Variants in LMNB2 observed in about 807,000 individuals in gnomAD.
The protein encoded by LMNB2 is lamin-B2.
In LMNB2, 17 loss-of-function variants were observed where a neutral mutation model predicts 69.3. The observed-to-expected ratio is 0.25, with a 90% CI of 0.17 to 0.37. The LOEUF is 0.37. Ranked by LOEUF, LMNB2 falls within the 10% of genes least tolerant of loss-of-function variation. The pLI is 1.00. For missense variants in LMNB2, 789 were observed against 883.6 expected, an observed-to-expected ratio of 0.89 and a Z score of 1.36; for synonymous variants, 397 against 389.3, an observed-to-expected ratio of 1.02 and a Z score of -0.23.
At chr19:2,433,771 C>T in intron 8 of LMNB2, 55 bp downstream of exon 8, 1 of 1,601,792 alleles carries the variant, frequency 6.2e-7, no homozygotes, top group Non-Finnish European at 8.5e-7. Context: ...TGACCCTGGT[C>T]ACCCCCATCA....
At chr19:2,444,347 C>T (rs1267966584) in intron 2 of LMNB2, 57 bp downstream of exon 2, 56 of 1,607,334 alleles carry the variant, frequency 3.5e-5, no homozygotes, top group Non-Finnish European at 4.6e-5. Context: ...CACCTGCCCC[C>T]GTCCACCCCG....
chr19:2,442,413 A>G (rs1452703035), intron 2 of LMNB2, among the ~76,000 whole-genome samples: 1 of 151,910 alleles, frequency 6.6e-6, no homozygotes, highest in Non-Finnish European at 1.5e-5. Flanking sequence ...CCAACTTGGT[A>G]AAAAAATTAG....
intron 4 of LMNB2, 91 bp from the exon 5 acceptor site, chr19:2,435,262 T>TCC (rs1283618703): frequency 6.6e-7 from 1 of 1,514,384 alleles, no homozygotes; most frequent in African/African-American, 1.4e-5. Flanking sequence ...AAGAGGAACC[T>TCC]CCAGGCAATT....
rs1971697262 is a variant in LMNB2 at position 2,428,930 on chromosome 19, T to C, written c.*1981A>G. On this transcript the variant is annotated 3_prime_UTR_variant, in exon 12 of 12. Coordinates refer to ENST00000325327, the MANE Select transcript of LMNB2 (RefSeq NM_032737.4). The stretch of plus-strand genomic sequence containing the variant: ...CACCCCCAGCTCCACCCAAGGCAAA[T>C]GTAGGGTGGGGGGTTCTGTGGGCCT... 1 of 151,454 alleles carries C rather than the reference T, an allele frequency of 6.6e-6. No homozygotes were observed. The highest frequency in any genetic ancestry group is 1.5e-5 in the Non-Finnish European group (1 of 67,908). 9.4% of individuals were successfully genotyped at this position (151,454 alleles called of 1,614,324 possible). A position where few individuals can be genotyped will look rare whatever the true frequency, so the allele number is the denominator to read the frequency against.
chr19:2,435,239 T>G lies in LMNB2; in HGVS notation c.685-68A>C. ...CCAAGCACCAGGCCCAAGGGAGGGCTCAAAAATGTGCCAAGAGGAACCTCC... is the reference window on the plus strand; with the variant it reads ...CCAAGCACCAGGCCCAAGGGAGGGCGCAAAAATGTGCCAAGAGGAACCTCC... On this transcript the variant is annotated intron_variant, in intron 4 of 11. Transcript: ENST00000325327. 4 of 1,577,808 alleles carry G rather than the reference T, an allele frequency of 2.5e-6. No homozygotes were observed. In the East Asian group the frequency reaches 9.0e-5, roughly 36 times the overall value.
At chr19:2,431,479 ATG>A (rs371201812) in intron 11 of LMNB2, 67 bp downstream of exon 11, 1 of 1,603,096 alleles carries the variant, frequency 6.2e-7, no homozygotes, top group Non-Finnish European at 8.5e-7. Flanking sequence ...ACGCATGTGT[ATG>A]TGTGTGCACG....
chr19:2,436,109 C>T (rs1971818739), intron 4 of LMNB2, among the ~76,000 whole-genome samples: 2 of 152,086 alleles, frequency 1.3e-5, no homozygotes, highest in Admixed American at 6.5e-5. Context: ...ATGGTGAAAA[C>T]CCCGTCTGTA....
At chr19:2,438,583 C>T (rs747824427) in intron 2 of LMNB2, 52 bp from the exon 3 acceptor site, 2 of 1,589,548 alleles carry the variant, frequency 1.3e-6, no homozygotes, top group Non-Finnish European at 1.7e-6. Context: ...CATGGGGCCA[C>T]AGGGAGCACC....
At chr19:2,435,195 C>G (rs759658407) in intron 4 of LMNB2, 24 bp from the exon 5 acceptor site, 1 of 1,598,084 alleles carries the variant, frequency 6.3e-7, no homozygotes, top group Non-Finnish European at 8.5e-7. Flanking sequence ...CTTCGTGACC[C>G]TCTGGTCCCG....
At position 2,432,506 on chromosome 19, in the gene LMNB2, G is replaced by C. The variant is rs775194172; in HGVS notation, c.1500C>G (p.Asn500Lys). ...CCAAGACCTGCCTCTTGATTCTCCA[G>C]TTCCCCAGAGACTGATCCTGGAAGA... Reference protein sequence around the residue: ...NNSDKDQSLGNWRIKRQVLEG... With the variant: ...NNSDKDQSLGKWRIKRQVLEG... Residue 500 changes from asparagine to lysine, a missense_variant, in exon 9 of 12, where the codon AAC becomes AAG. This residue lies in a region of LMNB2 where 609 missense variants were observed against 630.9 expected (regional missense o/e 0.97). Transcript: ENST00000325327. 6.2e-7 allele frequency: 1 copy of C among 1,613,692 alleles called. No individual in the cohort carries two copies. The highest frequency in any genetic ancestry group is 1.7e-5 in the Admixed American group (1 of 59,992).
In LMNB2 at chr19:2,438,514, C is replaced by G; in HGVS notation, c.419G>C (p.Gly140Ala). Reference sequence around the variant, plus strand: ...ACGGCCCTGGGCCACCGTAAGCTCGCCCTCCCTCTTCTTGGCGCTGAAAGT... The same window carrying G: ...ACGGCCCTGGGCCACCGTAAGCTCGGCCTCCCTCTTCTTGGCGCTGAAAGT... ...EVNKSAKKREGELTVAQGRVK... is the reference protein window; with the variant it reads ...EVNKSAKKREAELTVAQGRVK... The change falls in exon 3 of 12, where the codon GGC becomes GCC. Residue 140 changes from glycine to alanine, a missense_variant. By Grantham distance (60) the Gly-to-Ala change is moderately conservative (BLOSUM62 0). Coordinates refer to ENST00000325327, the MANE Select transcript of LMNB2 (RefSeq NM_032737.4). 1 of 1,609,118 alleles carries G rather than the reference C, an allele frequency of 6.2e-7. No homozygotes were observed. Among genetic ancestry groups the G allele is most frequent in the Non-Finnish European group, 8.5e-7 (1 of 1,178,016 alleles).
rs372552710 is a variant in LMNB2 at position 2,435,103 on chromosome 19, C to G, written c.753G>C (p.Glu251Asp). Residue 251 changes from glutamate (E) to aspartate (D), a missense_variant, in exon 5 of 12, where the codon GAG becomes GAC. Physicochemically the swap from Glu to Asp is conservative, Grantham distance 45. Around this residue, in one of 3 missense-constraint regions of LMNB2, gnomAD observed 609 missense variants for 630.9 expected, o/e 0.97. Transcript: ENST00000325327. ...LVEVDSSRQQ[E>D]YDFKMAQALE... ...GCGCCTGTGCCATCTTGAAGTCGTACTCCTGCTGCCGGCTGCTGTCCACCT... is the reference window on the plus strand; with the variant it reads ...GCGCCTGTGCCATCTTGAAGTCGTAGTCCTGCTGCCGGCTGCTGTCCACCT... 13 of 1,609,432 alleles carry G rather than the reference C, an allele frequency of 8.1e-6. No individual in the cohort carries two copies. The highest frequency in any genetic ancestry group is 1.1e-5 in the Non-Finnish European group (13 of 1,179,772).
Position 2,435,176 on chromosome 19 carries a change from G to T in LMNB2, c.685-5C>A. On this transcript the variant is annotated splice_region_variant and splice_polypyrimidine_tract_variant and intron_variant, in intron 4 of 11. Coordinates refer to ENST00000325327, the MANE Select transcript of LMNB2 (RefSeq NM_032737.4). ...CCGCCGCGTCTCCCGCACCTCCTGC[G>T]GACCAAGGCTTCGTGACCCTCTGGT... 1 of 1,600,614 alleles carries T rather than the reference G, an allele frequency of 6.2e-7. No homozygotes were observed.
intron 2 of LMNB2, 67 bp from the exon 3 acceptor site, chr19:2,438,598 G>A: frequency 1.3e-6 from 2 of 1,562,756 alleles, no homozygotes; most frequent in Admixed American, 1.8e-5. Flanking sequence ...AGCACCTCAG[G>A]GGGCGTCAGG....
At chr19:2,446,170 C>G (rs1173169692) in intron 1 of LMNB2, among the ~76,000 whole-genome samples, 13 of 115,262 alleles carry the variant, frequency 1.1e-4, no homozygotes, top group South Asian at 6.2e-4. Context: ...CCTTTCACCC[C>G]TCGATCACAG....
At chr19:2,441,518 G>A (rs60264467) in intron 2 of LMNB2, among the ~76,000 whole-genome samples, 8,807 of 152,296 alleles carry the variant, frequency 0.058, 888 homozygotes, top group African/African-American at 0.2. Context: ...AGGCCCTTTC[G>A]CTCAGAGGGC....
Position 2,432,541 on chromosome 19 carries a change from C to A in LMNB2, c.1483-18G>T. ...GACTGATCCTGGAAGACACGGCACACACCTGACCCTCAGCCACCAGGACTG... is the reference window on the plus strand; with the variant it reads ...GACTGATCCTGGAAGACACGGCACAAACCTGACCCTCAGCCACCAGGACTG... On this transcript the variant is annotated intron_variant, in intron 8 of 11. Coordinates refer to ENST00000325327, the MANE Select transcript of LMNB2 (RefSeq NM_032737.4). 1.3e-6 allele frequency: 2 copies of A among 1,597,334 alleles called. No homozygotes were observed. Among genetic ancestry groups the A allele is most frequent in the Non-Finnish European group, 1.7e-6 (2 of 1,165,116 alleles).
chr19:2,434,940 G>A (rs1353758447), intron 5 of LMNB2, 27 bp from the exon 6 acceptor site: 14 of 1,587,298 alleles, frequency 8.8e-6, no homozygotes, highest in African/African-American at 6.7e-5. Context: ...GGGTGAGTGC[G>A]GGCGCGGGGC....
Position 2,430,624 on chromosome 19 carries a change from C to A in LMNB2, c.*287G>T. On this transcript the variant is annotated 3_prime_UTR_variant, in exon 12 of 12. Transcript: ENST00000325327. ...CGGCCCTCCTCCCTCCAAGCCCAAG[C>A]ATCTTCTAAACCTCCGGGTCCTGGC... The A allele has an allele frequency of 1.9e-6, 1 of 515,948 alleles. No homozygotes were observed. The highest frequency in any genetic ancestry group is 3.5e-6 in the Non-Finnish European group (1 of 283,726). The allele number at this position is 515,948 out of a possible 1,614,324, so 32.0% of individuals were successfully genotyped here.
Sources: allele counts gnomAD v4.1 joint callset (sites outside exome capture counted in the v4.1 genomes callset), GRCh38; gene constraint gnomAD v4.1.1; regional missense constraint gnomAD v4.1.1; transcripts MANE v1.5; gene names NCBI Gene and HGNC (gene_info 2026-07-23, HGNC 2026-07-21).